Variants in SLC10A2 observed in about 807,000 individuals in gnomAD.
The protein encoded by SLC10A2 is ileal sodium/bile acid cotransporter.
Under a neutral mutation model 27.1 loss-of-function variants are expected in SLC10A2, and 34 were observed. The ratio of observed to expected loss-of-function variants is 1.26; its 90% CI spans 0.96 to 1.67. The LOEUF (loss-of-function observed/expected upper bound fraction) is 1.67. Ranked by LOEUF, SLC10A2 falls within the 40% of genes most tolerant of loss-of-function variation. The pLI is 0.00. For missense variants in SLC10A2, 530 were observed against 444.4 expected (o/e 1.19, Z -1.73); for synonymous variants, 205 against 174.0 (o/e 1.18, Z -1.40).
chr13:103,053,805 C>T (rs1875858661), intron 2 of SLC10A2, among the ~76,000 whole-genome samples: 1 of 151,784 alleles, frequency 6.6e-6, no homozygotes, highest in Admixed American at 6.6e-5. Context: ...ATGACTTTTG[C>T]CCAGAAATTA....
In SLC10A2 at chr13:103,046,039, C is replaced by A; in HGVS notation, c.*94G>T. The A allele has an allele frequency of 6.7e-7, 1 of 1,488,736 alleles. No homozygotes were observed. The allele number at this position is 1,488,736 out of a possible 1,614,324, so 92.2% of individuals were successfully genotyped here. A position where few individuals can be genotyped will look rare whatever the true frequency, so the allele number is the denominator to read the frequency against. ...TGAAATTCCAATTTTCACTTTAACT[C>A]TTTTCTGCCAACTGTCCTACCAAAA... On this transcript the variant is annotated 3_prime_UTR_variant, in exon 6 of 6. Coordinates refer to ENST00000245312, the MANE Select transcript of SLC10A2 (RefSeq NM_000452.3).
intron 2 of SLC10A2, among the ~76,000 whole-genome samples, chr13:103,056,431 T>A (rs1033172090): frequency 6.6e-6 from 1 of 152,174 alleles, no homozygotes; most frequent in South Asian, 2.1e-4. Flanking sequence ...TTTATTCACA[T>A]CACAGAATAT....
rs148570900 is a variant in SLC10A2 at position 103,062,587 on chromosome 13, C to T, written c.377+3286G>A. Among the ~76,000 whole-genome samples, 76 of 152,150 alleles carry T rather than the reference C, an allele frequency of 5.0e-4. No individual in the cohort carries two copies. In the East Asian group the frequency reaches 6.8e-3, roughly 14 times the overall value. ...AGCCGAATGGTTTTGGGTTAGGTCT[C>T]CCAGAGTAGAGAAGAGAAGGACATT... is the stretch of plus-strand genomic sequence containing the variant. On this transcript the variant is annotated intron_variant, in intron 1 of 5. Coordinates refer to ENST00000245312, the MANE Select transcript of SLC10A2 (RefSeq NM_000452.3).
intron 2 of SLC10A2, among the ~76,000 whole-genome samples, chr13:103,054,253 C>T (rs1875875709): frequency 6.6e-6 from 1 of 152,166 alleles, no homozygotes; most frequent in Admixed American, 6.5e-5. Flanking sequence ...TTCCCCTTCC[C>T]CTTCTGCCAT....
intron 4 of SLC10A2, 122 bp downstream of exon 4, chr13:103,051,135 G>T: frequency 2.2e-6 from 2 of 926,830 alleles, no homozygotes; most frequent in Non-Finnish European, 3.5e-6. Flanking sequence ...GAAACCATGA[G>T]ACAATAAGTG....
chr13:103,049,370 G>C lies in SLC10A2; in HGVS notation c.838C>G (p.Pro280Ala), dbSNP rs368208399. The C allele has an allele frequency of 8.5e-5, 137 of 1,613,898 alleles. No individual in the cohort carries two copies. The highest frequency in any genetic ancestry group is 1.2e-4 in the Non-Finnish European group (136 of 1,179,930). Residue 280 changes from proline to alanine, a missense_variant, in exon 5 of 6, where the codon CCT becomes GCT. Physicochemically the swap from Pro to Ala is conservative, Grantham distance 27. Coordinates refer to ENST00000245312, the MANE Select transcript of SLC10A2 (RefSeq NM_000452.3). ...GTGAATACGACATTGAGCTCCTCAG[G>C]AGTGAAGGAGAGCTGAACGATGGTG... Reference protein sequence around the residue: ...CSTIVQLSFTPEELNVVFTFP... With the variant: ...CSTIVQLSFTAEELNVVFTFP...
In SLC10A2 at chr13:103,044,180, G is replaced by A. The variant is rs1251860938; in HGVS notation, c.*1953C>T. The A allele has an allele frequency of 6.6e-6, 1 of 152,114 alleles. No individual in the cohort carries two copies. Among genetic ancestry groups the A allele is most frequent in the African/African-American group, 2.4e-5 (1 of 41,418 alleles). The allele number at this position is 152,114 out of a possible 1,614,324, so 9.4% of individuals were successfully genotyped here. A position where few individuals can be genotyped will look rare whatever the true frequency, so the allele number is the denominator to read the frequency against. ...TAGCAAATTAGGGAAAAAGACTCAA[G>A]TCACAAGTTACCGCATCATGTAAGA... is the stretch of plus-strand genomic sequence containing the variant. On this transcript the variant is annotated 3_prime_UTR_variant, in exon 6 of 6. Coordinates refer to ENST00000245312, the MANE Select transcript of SLC10A2 (RefSeq NM_000452.3).
At chr13:103,060,105 G>A (rs1876065806) in intron 1 of SLC10A2, among the ~76,000 whole-genome samples, 1 of 152,018 alleles carries the variant, frequency 6.6e-6, no homozygotes, top group Non-Finnish European at 1.5e-5. Context: ...AGGACAGTGG[G>A]TCAAAGAAAG....
intron 4 of SLC10A2, among the ~76,000 whole-genome samples, chr13:103,050,345 T>C (rs771466132): frequency 2.0e-5 from 3 of 152,126 alleles, no homozygotes; most frequent in Non-Finnish European, 2.9e-5. Context: ...TTGCTGCCCA[T>C]ACCCACTCCT....
In SLC10A2 at chr13:103,066,200, G is replaced by A. The variant is rs1041274368; in HGVS notation, c.50C>T (p.Ala17Val). Residue 17 changes from alanine (A) to valine (V), a missense_variant, in exon 1 of 6, where the codon GCA becomes GTA. Physicochemically the swap from Ala to Val is moderately conservative, Grantham distance 64. Coordinates refer to ENST00000245312, the MANE Select transcript of SLC10A2 (RefSeq NM_000452.3). ...ATTGCTCTCAGGTACCACACAGGATGCACCAGAGCAAACTGTTGCATTGTC... is the reference window on the plus strand; with the variant it reads ...ATTGCTCTCAGGTACCACACAGGATACACCAGAGCAAACTGTTGCATTGTC... ...CVDNATVCSG[A>V]SCVVPESNFN... 3.1e-6 allele frequency: 5 copies of A among 1,613,862 alleles called. No homozygotes were observed. The highest frequency in any genetic ancestry group is 3.4e-6 in the Non-Finnish European group (4 of 1,179,880).
intron 1 of SLC10A2, among the ~76,000 whole-genome samples, chr13:103,064,584 C>A (rs2138926897): frequency 6.6e-6 from 1 of 152,256 alleles, no homozygotes; most frequent in African/African-American, 2.4e-5. Flanking sequence ...TCACTTTTCT[C>A]AGTGTAACAG....
At chr13:103,049,250 CA>C (rs1875697479) in intron 5 of SLC10A2, 38 bp downstream of exon 5, 1 of 1,610,364 alleles carries the variant, frequency 6.2e-7, no homozygotes, top group East Asian at 2.2e-5. Context: ...CAGGATTTTT[CA>C]AAGATTATCA....
intron 5 of SLC10A2, among the ~76,000 whole-genome samples, chr13:103,048,673 T>C (rs924840849): frequency 3.9e-5 from 6 of 152,090 alleles, no homozygotes; most frequent in Non-Finnish European, 7.4e-5. Flanking sequence ...TGAAGGCCAG[T>C]GGGCGGTGGG....
At chr13:103,061,280 G>A (rs979099324) in intron 1 of SLC10A2, among the ~76,000 whole-genome samples, 1 of 152,110 alleles carries the variant, frequency 6.6e-6, no homozygotes. Context: ...TGAAAGTACT[G>A]GAGTTTGAAG....
At chr13:103,051,887 T>C (rs1262542598) in intron 3 of SLC10A2, among the ~76,000 whole-genome samples, 1 of 152,168 alleles carries the variant, frequency 6.6e-6, no homozygotes, top group Non-Finnish European at 1.5e-5. Flanking sequence ...AGAAAATGGG[T>C]ATAGAACTCT....
At chr13:103,047,612 G>T (rs1214839706) in intron 5 of SLC10A2, among the ~76,000 whole-genome samples, 1 of 129,252 alleles carries the variant, frequency 7.7e-6, no homozygotes, top group South Asian at 2.5e-4. Context: ...AAAAAATTTA[G>T]AATCCTAGCC....
chr13:103,056,129 G>A (rs55983226), intron 2 of SLC10A2, among the ~76,000 whole-genome samples: 12 of 152,316 alleles, frequency 7.9e-5, no homozygotes, highest in African/African-American at 1.2e-4. Flanking sequence ...CAGGTGTGCT[G>A]TCACCATTGT....
In SLC10A2 at chr13:103,046,106, A is replaced by C. The variant is rs1221174341; in HGVS notation, c.*27T>G. The C allele has an allele frequency of 6.2e-7, 1 of 1,612,850 alleles. No individual in the cohort carries two copies. The highest frequency in any genetic ancestry group is 2.2e-5 in the East Asian group (1 of 44,842). ...GTTACGGTTTAAGAACGTAATTTGG[A>C]ACTCGTCTGTTTTGTCCACTTGATG... is the stretch of plus-strand genomic sequence containing the variant. On this transcript the variant is annotated 3_prime_UTR_variant, in exon 6 of 6. Coordinates refer to ENST00000245312, the MANE Select transcript of SLC10A2 (RefSeq NM_000452.3).
chr13:103,051,364 G>C lies in SLC10A2; in HGVS notation c.654C>G (p.Ser218Arg), dbSNP rs140050923. The change falls in exon 4 of 6, where the codon AGC becomes AGG. Residue 218 changes from serine to arginine, a missense_variant. Physicochemically the swap from Ser to Arg is moderately radical, Grantham distance 110. Coordinates refer to ENST00000245312, the MANE Select transcript of SLC10A2 (RefSeq NM_000452.3). ...IAVVGGILYQ[S>R]AWIIAPKLWI... is the part of the protein sequence containing the mutation. ...ACAGTTTGGGAGCAATGATCCAGGCGCTTTGGTACAATATTCCTCCAACCA... is the reference window on the plus strand; with the variant it reads ...ACAGTTTGGGAGCAATGATCCAGGCCCTTTGGTACAATATTCCTCCAACCA... 5 of 1,613,870 alleles carry C rather than the reference G, an allele frequency of 3.1e-6. No homozygotes were observed. The African/African-American group carries it at 6.7e-5, about 22-fold the overall frequency.
Sources: gnomAD v4.1 joint callset for allele counts (sites outside exome capture counted in the v4.1 genomes callset) on GRCh38, gnomAD v4.1.1 for gene constraint, MANE v1.5 for transcripts, NCBI Gene and HGNC (gene_info 2026-07-23, HGNC 2026-07-21) for gene names.